Variants in DPY19L1 observed in about 807,000 individuals in gnomAD.
The protein encoded by DPY19L1 is dpy-19 like C-mannosyltransferase 1.
DPY19L1 carries 35 observed loss-of-function variants against 96.9 expected under a neutral mutation model. That is an observed-to-expected ratio of 0.36 (90% confidence interval 0.28 to 0.48). The LOEUF is 0.48. Among genes scored for constraint, DPY19L1 ranks in the 20% least tolerant of loss-of-function variants. The probability of loss-of-function intolerance (pLI) is 0.99; values close to 1 mark genes in which losing one functional copy is unlikely to be tolerated. For synonymous variants in DPY19L1, 205 were observed against 252.6 expected (o/e 0.81, Z 1.79); for missense variants, 521 against 777.9 (o/e 0.67, Z 3.93).
chr7:35,020,891 G>T (rs1785980487), intron 1 of DPY19L1, among the ~76,000 whole-genome samples: 1 of 151,928 alleles, frequency 6.6e-6, no homozygotes. Flanking sequence ...GTATTTTCAG[G>T]AGAGATAAGG....
At chr7:34,983,925 C>A (rs1418230873) in intron 7 of DPY19L1, among the ~76,000 whole-genome samples, 20 of 151,958 alleles carry the variant, frequency 1.3e-4, no homozygotes, top group Non-Finnish European at 2.4e-4. Flanking sequence ...CCAATAAAAA[C>A]CAAATATATA....
intron 6 of DPY19L1, among the ~76,000 whole-genome samples, chr7:35,008,905 G>A (rs931991172): frequency 1.3e-5 from 2 of 152,032 alleles, no homozygotes; most frequent in African/African-American, 4.8e-5. Flanking sequence ...AAGCACACAG[G>A]CCCACTTTCC....
intron 7 of DPY19L1, among the ~76,000 whole-genome samples, chr7:34,982,714 C>G (rs1321996897): frequency 6.6e-6 from 1 of 152,174 alleles, no homozygotes; most frequent in Admixed American, 6.5e-5. Flanking sequence ...AAATAAGAAT[C>G]TGAAAAAGGT....
At chr7:35,011,848 G>C (rs1314751526) in intron 4 of DPY19L1, among the ~76,000 whole-genome samples, 1 of 152,222 alleles carries the variant, frequency 6.6e-6, no homozygotes, top group African/African-American at 2.4e-5. Flanking sequence ...AAAATTCCAA[G>C]TGTCTAAAAT....
At chr7:34,952,862 A>G (rs533436998) in intron 13 of DPY19L1, among the ~76,000 whole-genome samples, 1 of 152,348 alleles carries the variant, frequency 6.6e-6, no homozygotes, top group Admixed American at 6.5e-5. Context: ...ATTAACCAAA[A>G]GGAAGCAACA....
intron 6 of DPY19L1, among the ~76,000 whole-genome samples, chr7:35,002,743 T>A (rs543828716): frequency 6.6e-6 from 1 of 152,244 alleles, no homozygotes; most frequent in South Asian, 2.1e-4. Context: ...AACATCTGAA[T>A]AGCATCATCT....
intron 13 of DPY19L1, among the ~76,000 whole-genome samples, chr7:34,950,846 T>C (rs1429207812): frequency 1.3e-5 from 2 of 152,022 alleles, no homozygotes; most frequent in Non-Finnish European, 2.9e-5. Flanking sequence ...TTACCATATA[T>C]GTAAAGAGCA....
intron 6 of DPY19L1, among the ~76,000 whole-genome samples, chr7:34,993,341 G>A (rs1379232159): frequency 3.9e-5 from 6 of 151,980 alleles, no homozygotes; most frequent in East Asian, 1.9e-4. Context: ...CATTTATCAA[G>A]TAAACATCCC....
upstream of DPY19L1, chr7:35,037,677 G>A: frequency 3.6e-6 from 1 of 280,768 alleles, no homozygotes; most frequent in Non-Finnish European, 5.4e-6. Flanking sequence ...GGGGGGCGGG[G>A]GCGGGGACAC....
intron 11 of DPY19L1, 23 bp from the exon 12 acceptor site, chr7:34,955,390 G>A: frequency 6.2e-7 from 1 of 1,600,046 alleles, no homozygotes; most frequent in East Asian, 2.2e-5. Flanking sequence ...AAATAACATA[G>A]TATACACAGT....
chr7:34,932,045 C>T (rs1783763676), intron 21 of DPY19L1, among the ~76,000 whole-genome samples: 1 of 152,156 alleles, frequency 6.6e-6, no homozygotes, highest in African/African-American at 2.4e-5. Context: ...GGGCAGGTAG[C>T]TTCCCTTGGT....
chr7:34,962,509 T>C (rs1311741990), intron 10 of DPY19L1, among the ~76,000 whole-genome samples: 1 of 152,168 alleles, frequency 6.6e-6, no homozygotes, highest in East Asian at 1.9e-4. Context: ...TACAAGATAC[T>C]ACATGGTTGA....
rs370266922 is a variant in DPY19L1, at chr7:35,011,287, T to C, written c.670+43A>G. 2.8e-5 allele frequency: 45 copies of C among 1,600,802 alleles called. No individual in the cohort carries two copies. The African/African-American group carries it at 3.9e-4, about 14-fold the overall frequency. On this transcript the variant is annotated intron_variant, in intron 5 of 21. Transcript: ENST00000638088. ...TTTATTATGCTAGATAAGTTTATTA[T>C]GTTACAACAGATAACTGGACAATAT...
At chr7:34,974,969 A>T (rs1440998036) in intron 7 of DPY19L1, among the ~76,000 whole-genome samples, 1 of 152,200 alleles carries the variant, frequency 6.6e-6, no homozygotes, top group Non-Finnish European at 1.5e-5. Flanking sequence ...ATGCCCAATA[A>T]GATGGCAAAC....
chr7:35,037,493 G>A (rs1312402231), upstream of DPY19L1: 1 of 313,418 alleles, frequency 3.2e-6, no homozygotes, highest in East Asian at 4.7e-5. Flanking sequence ...TCCAGCGGGC[G>A]GGCGGGCGGA....
intron 7 of DPY19L1, among the ~76,000 whole-genome samples, chr7:34,984,955 G>C (rs1263226004): frequency 6.6e-6 from 1 of 152,096 alleles, no homozygotes; most frequent in Non-Finnish European, 1.5e-5. Context: ...ACAAGGATAG[G>C]AGTCTTTGTT....
At position 34,949,838 on chromosome 7, in the gene DPY19L1, A is replaced by G; in HGVS notation, c.1381T>C (p.Leu461=). The G allele has an allele frequency of 1.2e-6, 2 of 1,603,854 alleles. No individual in the cohort carries two copies. The highest frequency in any genetic ancestry group is 1.7e-6 in the Non-Finnish European group (2 of 1,176,144). Reference sequence around the variant, plus strand: ...TCAAACTCCGCTGCACAGGTATACAATAAAGTATCAAAATCCTTATAACTA... The same window carrying G: ...TCAAACTCCGCTGCACAGGTATACAGTAAAGTATCAAAATCCTTATAACTA... ...FFSYKDFDTL[L]YTCAAEFDFM... The change falls in exon 14 of 22, where the codon TTG becomes CTG. Residue 461 remains leucine, a synonymous_variant. Coordinates refer to ENST00000638088, the MANE Select transcript of DPY19L1 (RefSeq NM_001366673.1).
At chr7:34,956,665 G>A (rs992319693) in intron 11 of DPY19L1, among the ~76,000 whole-genome samples, 5 of 151,804 alleles carry the variant, frequency 3.3e-5, no homozygotes, top group African/African-American at 4.8e-5. Flanking sequence ...CACCATGCCC[G>A]GCTAATTTTT....
intron 3 of DPY19L1, among the ~76,000 whole-genome samples, 157 bp downstream of exon 3, chr7:35,017,725 G>T (rs1179506054): frequency 6.6e-6 from 1 of 151,890 alleles, no homozygotes; most frequent in Non-Finnish European, 1.5e-5. Flanking sequence ...AGTGAGTGGG[G>T]GTGTAGATGA....
Sources: allele counts gnomAD v4.1 joint callset (sites outside exome capture counted in the v4.1 genomes callset), GRCh38; gene constraint gnomAD v4.1.1; transcripts MANE v1.5; gene names NCBI Gene and HGNC (gene_info 2026-07-23, HGNC 2026-07-21).